FHOD3: variants seen among roughly 807,000 people sequenced by gnomAD.
FHOD3 encodes FH1/FH2 domain-containing protein 3.
In FHOD3, 90 loss-of-function variants were observed where a neutral mutation model predicts 173.0. The ratio of observed to expected loss-of-function variants is 0.52; its 90% confidence interval spans 0.44 to 0.62. The LOEUF (loss-of-function observed/expected upper bound fraction) is 0.62, where lower values mean the gene tolerates loss of function less well. Ranked by LOEUF, FHOD3 falls within the 20% of genes least tolerant of loss-of-function variation. The probability of loss-of-function intolerance (pLI) is 0.00; values close to 1 mark genes in which losing one functional copy is unlikely to be tolerated. For synonymous variants in FHOD3, 828 were observed against 823.0 expected, an observed-to-expected ratio of 1.01 and a Z score of -0.10; for missense variants, 1,945 against 2,034.7, an observed-to-expected ratio of 0.96 and a Z score of 0.85.
intron 14 of FHOD3, among the ~76,000 whole-genome samples, chr18:36,676,875 G>A (rs2037896243): frequency 6.6e-6 from 1 of 152,080 alleles, no homozygotes; most frequent in South Asian, 2.1e-4. Flanking sequence ...CTGATTTGAA[G>A]GGGTTCTTTT....
chr18:36,756,801 C>T lies in FHOD3; in HGVS notation c.4425+1490C>T, dbSNP rs8084181. Among the ~76,000 whole-genome samples the T allele has an allele frequency of 3.1e-3, 470 of 152,220 alleles. 3 individuals carry two copies. Among genetic ancestry groups the T allele is most frequent in the African/African-American group, 0.011 (448 of 41,530 alleles). On this transcript the variant is annotated intron_variant, in intron 25 of 28. Coordinates refer to ENST00000590592, the MANE Select transcript of FHOD3 (RefSeq NM_001281740.3). ...CAGGTCACTTTTGTGCAGAAGGAGC[C>T]CTTTCTACAGCTCTACCCTGCACCC...
At chr18:36,538,084 C>T (rs2057066919) in intron 5 of FHOD3, among the ~76,000 whole-genome samples, 1 of 151,938 alleles carries the variant, frequency 6.6e-6, no homozygotes, top group South Asian at 2.1e-4. Flanking sequence ...AACAAAACAC[C>T]CTTCTAAATA....
At chr18:36,685,116 T>G (rs1391961429) in intron 15 of FHOD3, among the ~76,000 whole-genome samples, 1 of 152,224 alleles carries the variant, frequency 6.6e-6, no homozygotes, top group African/African-American at 2.4e-5. Context: ...TGTGTTATAA[T>G]ATACAGGAAT....
At chr18:36,666,751 T>C (rs1184453726) in intron 14 of FHOD3, among the ~76,000 whole-genome samples, 3 of 152,240 alleles carry the variant, frequency 2.0e-5, no homozygotes, top group Admixed American at 2.0e-4. Context: ...AACTTGAACT[T>C]ACCAAGGGAT....
chr18:36,358,557 G>T (rs1360848444), intron 2 of FHOD3, among the ~76,000 whole-genome samples: 2 of 152,218 alleles, frequency 1.3e-5, no homozygotes, highest in African/African-American at 4.8e-5. Flanking sequence ...AGCTAGGGTT[G>T]CTGGGAAAAT....
intron 3 of FHOD3, among the ~76,000 whole-genome samples, chr18:36,465,673 C>T (rs1015924813): frequency 3.9e-5 from 6 of 152,022 alleles, no homozygotes; most frequent in African/African-American, 1.5e-4. Flanking sequence ...TGACTTAAAC[C>T]AAGGATCCTA....
chr18:36,434,734 G>A (rs2143313449), intron 3 of FHOD3, among the ~76,000 whole-genome samples: 1 of 152,040 alleles, frequency 6.6e-6, no homozygotes, highest in East Asian at 1.9e-4. Context: ...GTTTCTTCCT[G>A]CAAAGTTTTA....
chr18:36,356,200 G>A (rs1887581084), intron 2 of FHOD3, among the ~76,000 whole-genome samples: 1 of 152,236 alleles, frequency 6.6e-6, no homozygotes, highest in Non-Finnish European at 1.5e-5. Context: ...CTTAGCAGAT[G>A]CTATAGTAGA....
chr18:36,549,461 A>G (rs1405758404), intron 5 of FHOD3, among the ~76,000 whole-genome samples: 1 of 148,606 alleles, frequency 6.7e-6, no homozygotes, highest in African/African-American at 2.5e-5. Context: ...CACATTCTTA[A>G]TTTTGAAGAA....
At chr18:36,744,308 A>G (rs1198959764) in intron 23 of FHOD3, 115 bp downstream of exon 23, 2 of 1,009,992 alleles carry the variant, frequency 2.0e-6, no homozygotes, top group Non-Finnish European at 2.9e-6. Flanking sequence ...TGCTGCCTGC[A>G]TTCTCTGCTC....
intron 5 of FHOD3, among the ~76,000 whole-genome samples, chr18:36,520,047 C>T (rs1332797578): frequency 6.6e-6 from 1 of 150,410 alleles, no homozygotes; most frequent in African/African-American, 2.5e-5. Context: ...CAGCCTCAGA[C>T]TCCTGGGTCA....
intron 3 of FHOD3, among the ~76,000 whole-genome samples, chr18:36,377,216 CCTT>C (rs774078565): frequency 2.0e-5 from 3 of 152,202 alleles, no homozygotes; most frequent in Non-Finnish European, 4.4e-5. Context: ...CAGGTTCTGC[CCTT>C]CTTCTTCAGC....
At chr18:36,633,236 C>T (rs752908375) in intron 10 of FHOD3, among the ~76,000 whole-genome samples, 7 of 152,194 alleles carry the variant, frequency 4.6e-5, no homozygotes, top group Non-Finnish European at 1.0e-4. Flanking sequence ...GCCCAATCAC[C>T]CAACTTCTCA....
At chr18:36,743,778 A>T (rs921532585) in intron 22 of FHOD3, among the ~76,000 whole-genome samples, 3 of 152,200 alleles carry the variant, frequency 2.0e-5, no homozygotes, top group Non-Finnish European at 4.4e-5. Context: ...CCAGCCCCAC[A>T]GCACCCTGAT....
At chr18:36,766,026 A>T (rs1025867877) in intron 27 of FHOD3, among the ~76,000 whole-genome samples, 3 of 152,128 alleles carry the variant, frequency 2.0e-5, no homozygotes, top group Admixed American at 6.5e-5. Flanking sequence ...TACCATAGAC[A>T]AAGTGCTAAA....
rs115730621 is a variant in FHOD3, at chr18:36,682,159, T to C, written c.1970+589T>C. Among the ~76,000 whole-genome samples the C allele has an allele frequency of 4.2e-3, 635 of 152,300 alleles. 8 individuals are homozygous for C. Among genetic ancestry groups the C allele is most frequent in the African/African-American group, 0.014 (600 of 41,554 alleles). ...CATATCTTGGCCTGTCTGTCCCCAC[T>C]GATCCCAGTGTGCCTCGGCTTCTCC... On this transcript the variant is annotated intron_variant, in intron 15 of 28. Coordinates refer to ENST00000590592, the MANE Select transcript of FHOD3 (RefSeq NM_001281740.3).
chr18:36,305,414 T>C lies in FHOD3; in HGVS notation c.165+7414T>C, dbSNP rs141914936. Among the ~76,000 whole-genome samples, 1,436 of 152,338 alleles carry C rather than the reference T, an allele frequency of 9.4e-3. 24 individuals carry two copies. The highest frequency in any genetic ancestry group is 0.032 in the African/African-American group (1,350 of 41,590). ...TCAATATAGAAAGGTATTCCTAGAC[T>C]TGGCAAAAATGAAACAAATTAGTTT... On this transcript the variant is annotated intron_variant, in intron 1 of 28. Transcript: ENST00000590592.
chr18:36,427,668 A>G (rs1328243285), intron 3 of FHOD3, among the ~76,000 whole-genome samples: 2 of 152,196 alleles, frequency 1.3e-5, no homozygotes, highest in Non-Finnish European at 2.9e-5. Context: ...AAATGGCTTA[A>G]GGGTTCTTCA....
intron 5 of FHOD3, among the ~76,000 whole-genome samples, chr18:36,543,795 T>G (rs1313292115): frequency 6.6e-6 from 1 of 152,222 alleles, no homozygotes; most frequent in Non-Finnish European, 1.5e-5. Context: ...CTACTGCCAG[T>G]GCCAGTGCTG....
Sources: gnomAD v4.1 joint callset for allele counts (sites outside exome capture counted in the v4.1 genomes callset) on GRCh38, gnomAD v4.1.1 for gene constraint, MANE v1.5 for transcripts, NCBI Gene and HGNC (gene_info 2026-07-23, HGNC 2026-07-21) for gene names.